The following MUCL1 variants were observed in gnomAD, a reference collection of about 807,000 sequenced individuals.
The protein encoded by MUCL1 is mucin-like protein 1.
MUCL1 carries 11 observed loss-of-function variants against 9.2 expected under a neutral mutation model. That is an observed-to-expected ratio of 1.19 (90% CI 0.75 to 1.97). MUCL1 has a LOEUF of 1.97. Among genes scored for constraint, MUCL1 ranks in the 30% most tolerant of loss-of-function variants. The pLI is 0.00. For missense variants in MUCL1, 144 were observed against 110.9 expected (o/e 1.30, Z -1.34); for synonymous variants, 48 against 40.5 (o/e 1.19, Z -0.71).
At chr12:54,833,328 T>C (rs1959187850) in intron 1 of MUCL1, among the ~76,000 whole-genome samples, 1 of 152,160 alleles carries the variant, frequency 6.6e-6, no homozygotes, top group Non-Finnish European at 1.5e-5. Context: ...AGTTTATTTT[T>C]CCTTTTATTT....
chr12:54,842,901 C>T (rs1378289585), intron 1 of MUCL1, among the ~76,000 whole-genome samples: 2 of 152,016 alleles, frequency 1.3e-5, no homozygotes, highest in Non-Finnish European at 2.9e-5. Context: ...AGGATGGTGG[C>T]CCCATAAGAT....
chr12:54,849,971 T>G (rs1355302746), upstream of MUCL1, among the ~76,000 whole-genome samples: 1 of 152,198 alleles, frequency 6.6e-6, no homozygotes, highest in Non-Finnish European at 1.5e-5. Context: ...GGTTGCAGAT[T>G]GTCTGCTTTC....
At chr12:54,857,531 A>G (rs1460685260) in intron 3 of MUCL1, among the ~76,000 whole-genome samples, 1 of 152,162 alleles carries the variant, frequency 6.6e-6, no homozygotes, top group Non-Finnish European at 1.5e-5. Flanking sequence ...CAATCGGAAC[A>G]TATGCCAGGA....
intron 3 of MUCL1, among the ~76,000 whole-genome samples, chr12:54,857,408 G>T (rs1868309157): frequency 1.3e-5 from 2 of 152,010 alleles, no homozygotes. Context: ...GTGCCATTCA[G>T]GGTATTTCTG....
upstream of MUCL1, among the ~76,000 whole-genome samples, chr12:54,837,737 C>T (rs1959195467): frequency 6.6e-6 from 1 of 152,096 alleles, no homozygotes; most frequent in African/African-American, 2.4e-5. Flanking sequence ...CCACTGCACT[C>T]CAGCCTGGGT....
chr12:54,855,100 CCTT>C lies in MUCL1; in HGVS notation c.59-10_59-8del, dbSNP rs1271448718. On this transcript the variant is annotated splice_polypyrimidine_tract_variant and intron_variant, in intron 1 of 3. Transcript: ENST00000308796. ...GTATTCAGCTAACATCTTAATTTTT[CCTT>C]CTTCTCTTTCAGAGAATCCGACAAC... 4 of 1,612,192 alleles carry C rather than the reference CCTT, an allele frequency of 2.5e-6. No homozygotes were observed. The highest frequency in any genetic ancestry group is 2.5e-6 in the Non-Finnish European group (3 of 1,178,850).
At chr12:54,853,681 C>T (rs1868272735), upstream of MUCL1, among the ~76,000 whole-genome samples, 1 of 151,942 alleles carries the variant, frequency 6.6e-6, no homozygotes, top group Non-Finnish European at 1.5e-5. Context: ...TTTATTAGGC[C>T]TTATCACCTC....
Position 54,843,417 on chromosome 12 carries a change from C to T in MUCL1, c.43+3970C>T, listed in dbSNP as rs550405434. ...TAATTAGATGACTAACTTTGAAAGA[C>T]AGAATATTGGGGCCCCAAAGATGGT... On this transcript the variant is annotated intron_variant, in intron 1 of 3. Transcript: ENST00000546809. Among the ~76,000 whole-genome samples the T allele has an allele frequency of 9.9e-5, 15 of 152,228 alleles. No homozygotes were observed. In the South Asian group the frequency reaches 2.5e-3, roughly 25 times the overall value.
intron 1 of MUCL1, among the ~76,000 whole-genome samples, chr12:54,847,961 C>T (rs1167809219): frequency 1.3e-5 from 2 of 152,030 alleles, no homozygotes; most frequent in African/African-American, 2.4e-5. Flanking sequence ...GAGATCTTAC[C>T]TTTGGTACTA....
chr12:54,851,258 G>C (rs1007197581), upstream of MUCL1, among the ~76,000 whole-genome samples: 1 of 152,106 alleles, frequency 6.6e-6, no homozygotes, highest in Admixed American at 6.6e-5. Context: ...GAATGGTATT[G>C]CCTAGGTTTT....
upstream of MUCL1, among the ~76,000 whole-genome samples, chr12:54,838,460 TTG>T (rs1959197054): frequency 6.6e-6 from 1 of 152,304 alleles, no homozygotes; most frequent in South Asian, 2.1e-4. Context: ...CTTCTTATAT[TTG>T]TGTGTCTAAA....
At chr12:54,839,177 A>G (rs9788019), upstream of MUCL1, among the ~76,000 whole-genome samples, 79,467 of 151,818 alleles carry the variant, frequency 0.52, 21,253 homozygotes, top group East Asian at 0.86. Context: ...GGTGCTTTCA[A>G]ATATGAAGAC....
chr12:54,845,222 G>C (rs1474388281), intron 1 of MUCL1, among the ~76,000 whole-genome samples: 2 of 151,716 alleles, frequency 1.3e-5, no homozygotes, highest in African/African-American at 4.8e-5. Context: ...ACTTTCATTG[G>C]GTATACTTTG....
At chr12:54,853,624 C>A (rs1283975475), upstream of MUCL1, among the ~76,000 whole-genome samples, 2 of 152,136 alleles carry the variant, frequency 1.3e-5, no homozygotes, top group South Asian at 2.1e-4. Flanking sequence ...AAATTGCTCC[C>A]CATTTTCCAT....
At chr12:54,844,483 C>T (rs979540401) in intron 1 of MUCL1, among the ~76,000 whole-genome samples, 2 of 152,196 alleles carry the variant, frequency 1.3e-5, no homozygotes, top group South Asian at 2.1e-4. Flanking sequence ...ATTTCTGAGA[C>T]TTTAGCACAA....
upstream of MUCL1, among the ~76,000 whole-genome samples, chr12:54,837,337 T>C (rs1399043807): frequency 1.3e-5 from 2 of 152,300 alleles, no homozygotes; most frequent in Non-Finnish European, 2.9e-5. Context: ...TATAATGACT[T>C]TTTTTGGGTT....
At chr12:54,840,097 G>A (rs766808963) in intron 1 of MUCL1, among the ~76,000 whole-genome samples, 5 of 152,170 alleles carry the variant, frequency 3.3e-5, no homozygotes, top group Non-Finnish European at 7.4e-5. Flanking sequence ...TCTGGCTCTT[G>A]CTGCCCAGTG....
At chr12:54,849,020 A>C (rs1187550325) in intron 1 of MUCL1, among the ~76,000 whole-genome samples, 1 of 152,166 alleles carries the variant, frequency 6.6e-6, no homozygotes, top group Non-Finnish European at 1.5e-5. Context: ...TAAGCAGGTA[A>C]TGCTAGAGTA....
At chr12:54,852,525 A>G (rs918427214), upstream of MUCL1, among the ~76,000 whole-genome samples, 1 of 152,212 alleles carries the variant, frequency 6.6e-6, no homozygotes, top group East Asian at 1.9e-4. Flanking sequence ...AAAACTACTC[A>G]TATATCAAAC....
Sources: gnomAD v4.1 joint callset for allele counts (sites outside exome capture counted in the v4.1 genomes callset) on GRCh38, gnomAD v4.1.1 for gene constraint, MANE v1.5 for transcripts, NCBI Gene and HGNC (gene_info 2026-07-23, HGNC 2026-07-21) for gene names.